Variants in IL1RAP observed in about 807,000 individuals in gnomAD.
IL1RAP encodes the protein interleukin 1 receptor accessory protein, also known as interleukin-1 receptor accessory protein.
IL1RAP carries 35 observed loss-of-function variants against 60.7 expected under a neutral mutation model. That is an observed-to-expected ratio of 0.58 (90% confidence interval 0.44 to 0.76). The LOEUF (loss-of-function observed/expected upper bound fraction) is 0.76. IL1RAP is among the 30% of genes least tolerant of loss of function. The probability of loss-of-function intolerance (pLI) is 0.00; values close to 1 mark genes in which losing one functional copy is unlikely to be tolerated. For missense variants in IL1RAP, 572 were observed against 693.9 expected (o/e 0.82, Z 1.97); for synonymous variants, 268 against 250.9 (o/e 1.07, Z -0.64).
chr3:190,656,455 G>T, downstream of IL1RAP: 1 of 1,537,252 alleles, frequency 6.5e-7, no homozygotes, highest in Non-Finnish European at 8.7e-7. Context: ...GCCCCAGTGG[G>T]AGACACACCT....
chr3:190,656,346 G>A, downstream of IL1RAP: 1 of 1,537,238 alleles, frequency 6.5e-7, no homozygotes, highest in South Asian at 1.2e-5. Flanking sequence ...CAATGTCCAA[G>A]CACCGAGGGA....
At chr3:190,612,431 A>G (rs1323421969) in intron 5 of IL1RAP, among the ~76,000 whole-genome samples, 2 of 151,830 alleles carry the variant, frequency 1.3e-5, no homozygotes, top group Admixed American at 6.6e-5. Flanking sequence ...TTTTTTCCTC[A>G]TGCATTTCCT....
chr3:190,535,333 T>C (rs180861712), intron 1 of IL1RAP, among the ~76,000 whole-genome samples: 87 of 152,316 alleles, frequency 5.7e-4, no homozygotes, highest in African/African-American at 2.0e-3. Flanking sequence ...TTTTGAAAGT[T>C]AGTTGATTCA....
chr3:190,596,641 G>T (rs1400686871), intron 3 of IL1RAP, among the ~76,000 whole-genome samples: 1 of 152,192 alleles, frequency 6.6e-6, no homozygotes, highest in African/African-American at 2.4e-5. Flanking sequence ...TGACTTTGTG[G>T]TTCTCCCATG....
intron 1 of IL1RAP, among the ~76,000 whole-genome samples, chr3:190,545,560 A>G (rs764989234): frequency 6.6e-5 from 10 of 152,330 alleles, no homozygotes; most frequent in Middle Eastern, 6.8e-3. Flanking sequence ...TAAGCAGAAG[A>G]TAGACATTCA....
At chr3:190,580,228 C>A (rs2108676651) in intron 3 of IL1RAP, among the ~76,000 whole-genome samples, 1 of 152,250 alleles carries the variant, frequency 6.6e-6, no homozygotes, top group African/African-American at 2.4e-5. Context: ...GAGGTATTTG[C>A]ACTCTCATAT....
At chr3:190,629,743 A>C in intron 9 of IL1RAP, 3 of 1,190,526 alleles carry the variant, frequency 2.5e-6, no homozygotes, top group Non-Finnish European at 3.1e-6. Flanking sequence ...CGACGTGAGT[A>C]CAGTGAGACA....
chr3:190,549,584 G>A (rs1724683769), intron 1 of IL1RAP, among the ~76,000 whole-genome samples: 2 of 152,136 alleles, frequency 1.3e-5, no homozygotes, highest in Non-Finnish European at 2.9e-5. Context: ...ACAAGTCGGG[G>A]GTGAGGACAG....
intron 1 of IL1RAP, among the ~76,000 whole-genome samples, chr3:190,528,824 A>T (rs1194509179): frequency 6.6e-6 from 1 of 152,236 alleles, no homozygotes; most frequent in East Asian, 1.9e-4. Flanking sequence ...TGAGTCTTGA[A>T]GTGATGGACA....
chr3:190,539,154 T>A (rs1481385677), intron 1 of IL1RAP, among the ~76,000 whole-genome samples: 2 of 152,102 alleles, frequency 1.3e-5, no homozygotes, highest in Non-Finnish European at 2.9e-5. Context: ...TCAGGTGAGT[T>A]CATTGTCCAG....
At chr3:190,629,044 C>G (rs539978548) in intron 8 of IL1RAP, among the ~76,000 whole-genome samples, 5 of 152,292 alleles carry the variant, frequency 3.3e-5, no homozygotes, top group African/African-American at 1.2e-4. Context: ...TAAACTGATA[C>G]AGCATCCTGG....
intron 9 of IL1RAP, among the ~76,000 whole-genome samples, chr3:190,638,875 G>T (rs1043992674): frequency 6.6e-6 from 1 of 151,954 alleles, no homozygotes; most frequent in African/African-American, 2.4e-5. Flanking sequence ...ATTTTCACAG[G>T]ATATGTTGAA....
chr3:190,621,557 ACT>A (rs1300156943), intron 6 of IL1RAP, among the ~76,000 whole-genome samples: 1 of 152,290 alleles, frequency 6.6e-6, no homozygotes, highest in East Asian at 1.9e-4. Flanking sequence ...ATACTTTGTC[ACT>A]CTGATTAACA....
chr3:190,536,037 C>T lies in IL1RAP; in HGVS notation c.-88-20093C>T, dbSNP rs569745471. 3.2e-4 allele frequency among the ~76,000 whole-genome samples: 48 copies of T among 152,286 alleles called. No individual in the cohort carries two copies. In the South Asian group the frequency reaches 8.7e-3, roughly 28 times the overall value. ...ACTGTGCATAATGATGTTCCCAGAA[C>T]CTATTGAAATACGTAAGACTCTAAC... is the stretch of plus-strand genomic sequence containing the variant. On this transcript the variant is annotated intron_variant, in intron 1 of 11. Transcript: ENST00000447382.
At chr3:190,555,265 C>T (rs1165419817) in intron 1 of IL1RAP, among the ~76,000 whole-genome samples, 2 of 151,746 alleles carry the variant, frequency 1.3e-5, no homozygotes, top group Admixed American at 6.6e-5. Context: ...CTTCAAATGG[C>T]GTCACATTGC....
chr3:190,622,025 C>T (rs1389823758), intron 6 of IL1RAP, among the ~76,000 whole-genome samples: 3 of 149,252 alleles, frequency 2.0e-5, no homozygotes, highest in East Asian at 1.9e-4. Context: ...AATGTGCCGG[C>T]CTTAACATCA....
At chr3:190,642,904 TCC>T (rs1160901227) in intron 9 of IL1RAP, among the ~76,000 whole-genome samples, 3 of 152,218 alleles carry the variant, frequency 2.0e-5, no homozygotes, top group African/African-American at 7.2e-5. Flanking sequence ...AATATACTGT[TCC>T]TCCTTCAAAC....
At chr3:190,608,513 G>A (rs548685402) in intron 4 of IL1RAP, among the ~76,000 whole-genome samples, 21 of 152,228 alleles carry the variant, frequency 1.4e-4, no homozygotes, top group African/African-American at 5.1e-4. Flanking sequence ...GAAAGCCCAG[G>A]ACATTACTAT....
exon 12 of IL1RAP, chr3:190,659,118 T>G (rs1337928122): frequency 2.0e-5 from 3 of 152,300 alleles, no homozygotes; most frequent in Admixed American, 6.5e-5. Flanking sequence ...GTGTTATGCC[T>G]TATTAACACA....
Sources: gnomAD v4.1 joint callset for allele counts (sites outside exome capture counted in the v4.1 genomes callset) on GRCh38, gnomAD v4.1.1 for gene constraint, MANE v1.5 for transcripts, NCBI Gene and HGNC (gene_info 2026-07-23, HGNC 2026-07-21) for gene names.